Variants in ATP8A1 observed in about 807,000 individuals in gnomAD.
ATP8A1 encodes the protein phospholipid-transporting ATPase IA.
Under a neutral mutation model 177.7 loss-of-function variants are expected in ATP8A1, and 90 were observed. The ratio of observed to expected loss-of-function variants is 0.51; its 90% CI spans 0.43 to 0.60. The LOEUF (loss-of-function observed/expected upper bound fraction) is 0.60. Ranked by LOEUF, ATP8A1 falls within the 20% of genes least tolerant of loss-of-function variation. ATP8A1 has a pLI of 0.00. For missense variants in ATP8A1, 1,072 were observed against 1,392.8 expected (o/e 0.77, Z 3.67); for synonymous variants, 493 against 485.9 (o/e 1.01, Z -0.19).
chr4:42,558,200 A>C (rs1730446827), intron 15 of ATP8A1, among the ~76,000 whole-genome samples: 1 of 152,230 alleles, frequency 6.6e-6, no homozygotes, highest in Non-Finnish European at 1.5e-5. Flanking sequence ...TAAACAGATA[A>C]AATTTGCAAG....
chr4:42,429,104 T>G (rs899833700), intron 33 of ATP8A1, among the ~76,000 whole-genome samples: 2 of 152,204 alleles, frequency 1.3e-5, no homozygotes, highest in African/African-American at 4.8e-5. Flanking sequence ...CTGGGGACCC[T>G]GTTCTTGAGA....
At chr4:42,547,803 C>G (rs577092071) in intron 19 of ATP8A1, among the ~76,000 whole-genome samples, 5 of 152,186 alleles carry the variant, frequency 3.3e-5, no homozygotes, top group Non-Finnish European at 7.3e-5. Flanking sequence ...CACTCCTAAT[C>G]AAGACAGCAA....
At chr4:42,636,156 A>ATGCGCGTGCGCGCGCG (rs1553920760) in intron 1 of ATP8A1, among the ~76,000 whole-genome samples, 1 of 90,898 alleles carries the variant, frequency 1.1e-5, no homozygotes, top group Non-Finnish European at 2.6e-5. Flanking sequence ...ACACACACAC[A>ATGCGCGTGCGCGCGCG]CGCACACACA....
chr4:42,563,619 A>G (rs1731061726), intron 15 of ATP8A1, among the ~76,000 whole-genome samples: 1 of 152,208 alleles, frequency 6.6e-6, no homozygotes, highest in Admixed American at 6.5e-5. Flanking sequence ...CCAGAGGCCT[A>G]GGAGAAAATG....
intron 27 of ATP8A1, among the ~76,000 whole-genome samples, chr4:42,461,908 C>CT (rs1374280482): frequency 2.0e-5 from 3 of 152,206 alleles, no homozygotes; most frequent in Non-Finnish European, 4.4e-5. Flanking sequence ...TTGCTGGTAA[C>CT]TGGAGCAAAG....
chr4:42,590,927 A>AT (rs757248685), intron 6 of ATP8A1, 43 bp from the exon 7 acceptor site: 298 of 1,540,452 alleles, frequency 1.9e-4, no homozygotes, highest in Non-Finnish European at 2.5e-4. Context: ...CCAAAAAAAA[A>AT]AATGAACAGA....
chr4:42,505,277 C>A (rs1724254854), intron 23 of ATP8A1, among the ~76,000 whole-genome samples: 1 of 152,088 alleles, frequency 6.6e-6, no homozygotes. Context: ...CTAAGTTTTT[C>A]TAGGAATCAA....
intron 16 of ATP8A1, 116 bp from the exon 17 acceptor site, chr4:42,552,726 A>T (rs1729629104): frequency 1.4e-6 from 1 of 696,876 alleles, no homozygotes; most frequent in Non-Finnish European, 2.3e-6. Context: ...GGTAGCTCAC[A>T]CCTGTAATCC....
chr4:42,487,507 T>C (rs1722312196), intron 24 of ATP8A1, among the ~76,000 whole-genome samples: 1 of 152,030 alleles, frequency 6.6e-6, no homozygotes. Context: ...CCTACAGTTA[T>C]TTATAAAATA....
At chr4:42,637,535 A>T (rs1739520945) in intron 1 of ATP8A1, among the ~76,000 whole-genome samples, 2 of 152,316 alleles carry the variant, frequency 1.3e-5, no homozygotes, top group African/African-American at 4.8e-5. Context: ...CATTATACAA[A>T]AGGGTTCACT....
chr4:42,562,665 T>C (rs554442087), intron 15 of ATP8A1, among the ~76,000 whole-genome samples: 1 of 152,344 alleles, frequency 6.6e-6, no homozygotes, highest in South Asian at 2.1e-4. Context: ...AATCTCATCT[T>C]GAATTCCCAC....
chr4:42,623,904 A>G (rs947008999), intron 4 of ATP8A1, among the ~76,000 whole-genome samples: 2 of 152,202 alleles, frequency 1.3e-5, no homozygotes, highest in Non-Finnish European at 2.9e-5. Context: ...GTTTAAAAGA[A>G]CAGGAAAAAA....
chr4:42,539,849 G>A (rs1012207591), intron 20 of ATP8A1, among the ~76,000 whole-genome samples: 1 of 151,990 alleles, frequency 6.6e-6, no homozygotes, highest in Non-Finnish European at 1.5e-5. Flanking sequence ...AAAAATACTA[G>A]AAGAAAACCT....
intron 6 of ATP8A1, among the ~76,000 whole-genome samples, chr4:42,594,917 G>A (rs1734577215): frequency 6.6e-6 from 1 of 152,096 alleles, no homozygotes; most frequent in African/African-American, 2.4e-5. Flanking sequence ...AACTATCAAT[G>A]TATTTTAAAT....
intron 19 of ATP8A1, among the ~76,000 whole-genome samples, chr4:42,547,076 T>G (rs1197940152): frequency 6.6e-6 from 1 of 152,208 alleles, no homozygotes; most frequent in Non-Finnish European, 1.5e-5. Flanking sequence ...TCTCTTTTGT[T>G]TCAGGCCCTT....
intron 1 of ATP8A1, among the ~76,000 whole-genome samples, chr4:42,644,412 T>C (rs1249560430): frequency 6.6e-6 from 1 of 152,192 alleles, no homozygotes; most frequent in Non-Finnish European, 1.5e-5. Context: ...TGGGGTTAAA[T>C]TGAGCCAACA....
At chr4:42,485,239 T>G (rs1722072593) in intron 25 of ATP8A1, among the ~76,000 whole-genome samples, 1 of 152,184 alleles carries the variant, frequency 6.6e-6, no homozygotes. Context: ...TGCAGGTAGA[T>G]AATGAATTTT....
Position 42,409,550 on chromosome 4 carries a change from T to C in ATP8A1, c.*3366A>G, listed in dbSNP as rs920093663. 6.6e-6 allele frequency: 1 copy of C among 152,160 alleles called. No homozygotes were observed. Among genetic ancestry groups the C allele is most frequent in the African/African-American group, 2.4e-5 (1 of 41,470 alleles). The allele number at this position is 152,160 out of a possible 1,614,324, so 9.4% of individuals were successfully genotyped here. A position where few individuals can be genotyped will look rare whatever the true frequency, so the allele number is the denominator to read the frequency against. On this transcript the variant is annotated 3_prime_UTR_variant, in exon 37 of 37. Coordinates refer to ENST00000381668, the MANE Select transcript of ATP8A1 (RefSeq NM_006095.2). ...GTGAATGGGCTGGGCACTTTCTCCA[T>C]AAATTTTGTAGATGACTATTTGTAA...
chr4:42,546,752 T>A (rs1316746965), intron 19 of ATP8A1, among the ~76,000 whole-genome samples: 1 of 152,116 alleles, frequency 6.6e-6, no homozygotes, highest in Non-Finnish European at 1.5e-5. Context: ...AATAGCTACA[T>A]TCAACAAATA....
Sources: gnomAD v4.1 joint callset for allele counts (sites outside exome capture counted in the v4.1 genomes callset) on GRCh38, gnomAD v4.1.1 for gene constraint, MANE v1.5 for transcripts, NCBI Gene and HGNC (gene_info 2026-07-23, HGNC 2026-07-21) for gene names.